DSG1: variants seen among roughly 807,000 people sequenced by gnomAD.
The protein encoded by DSG1 is desmoglein 1, also known as desmoglein-1.
In DSG1, 39 loss-of-function variants were observed where a neutral mutation model predicts 97.5. The observed-to-expected ratio is 0.40, with a 90% CI of 0.31 to 0.52. The LOEUF (loss-of-function observed/expected upper bound fraction) is 0.52, where lower values mean the gene tolerates loss of function less well. Among genes scored for constraint, DSG1 ranks in the 20% least tolerant of loss-of-function variants. The probability of loss-of-function intolerance (pLI) is 0.53; values close to 1 mark genes in which losing one functional copy is unlikely to be tolerated. For synonymous variants in DSG1, 475 were observed against 443.4 expected (o/e 1.07, Z -0.90); for missense variants, 1,311 against 1,295.4 (o/e 1.01, Z -0.18).
chr18:31,355,076 C>T lies in DSG1; in HGVS notation c.2880C>T (p.Gly960=), dbSNP rs200560952. ...IVTERVVSGA[G]VTGISGTTGI... Reference sequence around the variant, plus strand: ...CAGAGAGGGTTGTTTCTGGTGCTGGCGTAACTGGAATTAGTGGCACCACTG... The same window carrying T: ...CAGAGAGGGTTGTTTCTGGTGCTGGTGTAACTGGAATTAGTGGCACCACTG... Residue 960 remains glycine (G), a synonymous_variant, in exon 15 of 15, where the codon GGC becomes GGT. Transcript: ENST00000257192. 130 of 1,614,118 alleles carry T rather than the reference C, an allele frequency of 8.1e-5. No homozygotes were observed. The highest frequency in any genetic ancestry group is 7.8e-4 in the East Asian group (35 of 44,870).
rs2071972802 is a variant in DSG1 at position 31,357,931 on chromosome 18, TA to T, written c.*2586del. On this transcript the variant is annotated 3_prime_UTR_variant, in exon 15 of 15. Transcript: ENST00000257192. ...TCCCTTTTCAAGACATCAACGATTT[TA>T]GTAGTTATTTAAAGGCATGTCATTT... Among the ~76,000 whole-genome samples the T allele has an allele frequency of 6.6e-6, 1 of 152,032 alleles. No homozygotes were observed. The highest frequency in any genetic ancestry group is 6.6e-5 in the Admixed American group (1 of 15,266).
chr18:31,328,414 A>T, intron 4 of DSG1, 70 bp downstream of exon 4: 1 of 1,494,946 alleles, frequency 6.7e-7, no homozygotes, highest in South Asian at 1.1e-5. Flanking sequence ...ATCTCAGATC[A>T]TACTTAATTT....
intron 6 of DSG1, among the ~76,000 whole-genome samples, chr18:31,333,054 G>A (rs2071730297): frequency 6.6e-6 from 1 of 152,146 alleles, no homozygotes; most frequent in Non-Finnish European, 1.5e-5. Context: ...CATTTTGAAT[G>A]AGTGTGCATT....
At position 31,354,330 on chromosome 18, in the gene DSG1, C is replaced by G; in HGVS notation, c.2134C>G (p.Arg712Gly). ...AYAYADEDEG[R>G]PSNDCLLIYD... ...TGCTTACGCAGATGAAGATGAAGGA[C>G]GCCCATCTAATGACTGTTTGCTCAT... Residue 712 changes from arginine (R) to glycine (G), a missense_variant, in exon 15 of 15, where the codon CGC becomes GGC. This residue lies in a region of DSG1 where 1,038 missense variants were observed against 964.6 expected (regional missense o/e 1.08). Transcript: ENST00000257192. 6.2e-7 allele frequency: 1 copy of G among 1,614,140 alleles called. No individual in the cohort carries two copies. The highest frequency in any genetic ancestry group is 1.7e-5 in the Admixed American group (1 of 60,026).
chr18:31,324,051 T>C (rs538352212), intron 1 of DSG1, among the ~76,000 whole-genome samples: 1 of 134,182 alleles, frequency 7.5e-6, no homozygotes, highest in South Asian at 2.8e-4. Context: ...TGGTGCAATC[T>C]CGGCTCACTG....
chr18:31,326,784 T>C, intron 2 of DSG1, 90 bp from the exon 3 acceptor site: 8 of 1,496,380 alleles, frequency 5.3e-6, no homozygotes, highest in East Asian at 2.3e-5. Context: ...CCTCTATTTC[T>C]GAGATTATAA....
intron 14 of DSG1, among the ~76,000 whole-genome samples, chr18:31,349,747 C>T: frequency 3.9e-5 from 2 of 51,544 alleles, no homozygotes; most frequent in Admixed American, 2.6e-4. Flanking sequence ...TGGGAGTTCA[C>T]TCATGATTTG....
chr18:31,335,723 T>C (rs901274959), intron 8 of DSG1, among the ~76,000 whole-genome samples: 9 of 151,666 alleles, frequency 5.9e-5, no homozygotes, highest in African/African-American at 2.2e-4. Context: ...AATGGCATAA[T>C]TGTTTGTGGA....
At position 31,358,278 on chromosome 18, in the gene DSG1, C is replaced by T. The variant is rs2071975435; in HGVS notation, c.*2932C>T. 6.6e-6 allele frequency among the ~76,000 whole-genome samples: 1 copy of T among 151,776 alleles called. No individual in the cohort carries two copies. Among genetic ancestry groups the T allele is most frequent in the Admixed American group, 6.6e-5 (1 of 15,226 alleles). On this transcript the variant is annotated 3_prime_UTR_variant, in exon 15 of 15. Coordinates refer to ENST00000257192, the MANE Select transcript of DSG1 (RefSeq NM_001942.4). ...TACCATTTAATATCAACCAAAATAC[C>T]ATCTCAAGCTAATTTTGACACTGAA...
rs1417939798 is a variant in DSG1, at chr18:31,354,797, A to G, written c.2601A>G (p.Arg867=). The G allele has an allele frequency of 3.7e-6, 6 of 1,614,092 alleles. No homozygotes were observed. Among genetic ancestry groups the G allele is most frequent in the Admixed American group, 1.7e-5 (1 of 60,006 alleles). ...CATCAAACGTGGTAGTGACAGAGAG[A>G]GTGGTCGGCCCAATCTCTGGCGCTG... ...RPASNVVVTE[R]VVGPISGADL... Residue 867 remains arginine, a synonymous_variant, in exon 15 of 15, where the codon AGA becomes AGG. Transcript: ENST00000257192.
chr18:31,354,160 T>C (rs2071929680), intron 14 of DSG1, 137 bp from the exon 15 acceptor site: 2 of 702,080 alleles, frequency 2.8e-6, no homozygotes, highest in Non-Finnish European at 4.9e-6. Flanking sequence ...TTTTAGAGCA[T>C]CTCTAGTATG....
At position 31,326,630 on chromosome 18, in the gene DSG1, A is replaced by T; in HGVS notation, c.84+14A>T. On this transcript the variant is annotated intron_variant, in intron 2 of 14. Transcript: ENST00000257192. ...TTCCGAATCCAGGTAATATATAACA[A>T]ATCCATTTTTCCAAATTTTTAAACA... 6.9e-6 allele frequency: 11 copies of T among 1,597,126 alleles called. No homozygotes were observed. Among genetic ancestry groups the T allele is most frequent in the Non-Finnish European group, 9.4e-6 (11 of 1,165,578 alleles).
Position 31,355,699 on chromosome 18 carries a change from C to A in DSG1, c.*353C>A. 1 of 276,172 alleles carries A rather than the reference C, an allele frequency of 3.6e-6. No individual in the cohort carries two copies. Among genetic ancestry groups the A allele is most frequent in the East Asian group, 7.8e-5 (1 of 12,862 alleles). 17.1% of individuals were successfully genotyped at this position (276,172 alleles called of 1,614,324 possible). On this transcript the variant is annotated 3_prime_UTR_variant, in exon 15 of 15. Transcript: ENST00000257192. ...TTTTCCATATAGCTCGAGCAAAATT[C>A]AAAAAGAACTAAATATGCAATATAT...
chr18:31,321,117 A>AT (rs2071651061), intron 1 of DSG1, among the ~76,000 whole-genome samples: 1 of 125,348 alleles, frequency 8.0e-6, no homozygotes, highest in South Asian at 2.7e-4. Flanking sequence ...ACAAAAAAAA[A>AT]CCCAACCCTC....
intron 7 of DSG1, 105 bp downstream of exon 7, chr18:31,333,828 AC>A: frequency 1.4e-6 from 2 of 1,394,200 alleles, no homozygotes; most frequent in African/African-American, 1.4e-5. Flanking sequence ...TTGACATACA[AC>A]CCAAATGTAG....
chr18:31,330,042 T>C lies in DSG1; in HGVS notation c.517+6T>C, dbSNP rs1426356619. On this transcript the variant is annotated splice_donor_region_variant and intron_variant, in intron 5 of 14. Transcript: ENST00000257192. ...AGAAGAAAATTCTAATGCAAGTAAG[T>C]AATGTAGTGGCTTCCAAATCACTCC... 3.7e-6 allele frequency: 6 copies of C among 1,612,730 alleles called. No homozygotes were observed. The South Asian group carries it at 6.6e-5, about 18-fold the overall frequency.
At chr18:31,347,169 A>G (rs868866059) in intron 14 of DSG1, among the ~76,000 whole-genome samples, 4 of 152,220 alleles carry the variant, frequency 2.6e-5, no homozygotes, top group East Asian at 1.9e-4. Context: ...TGATATTTTT[A>G]AATAAAATAT....
At chr18:31,332,693 T>C (rs897551951) in intron 6 of DSG1, among the ~76,000 whole-genome samples, 10 of 152,164 alleles carry the variant, frequency 6.6e-5, no homozygotes, top group Non-Finnish European at 1.5e-4. Context: ...AAAATGACAA[T>C]CTTCTTGCTG....
chr18:31,327,334 T>A (rs1190067370), intron 3 of DSG1, among the ~76,000 whole-genome samples: 1 of 152,210 alleles, frequency 6.6e-6, no homozygotes, highest in Non-Finnish European at 1.5e-5. Flanking sequence ...CAATGTGTGC[T>A]CTTTTTGCCT....
Sources: allele counts gnomAD v4.1 joint callset (sites outside exome capture counted in the v4.1 genomes callset), GRCh38; gene constraint gnomAD v4.1.1; regional missense constraint gnomAD v4.1.1; transcripts MANE v1.5; gene names NCBI Gene and HGNC (gene_info 2026-07-23, HGNC 2026-07-21).